RICTOR: variants seen among roughly 807,000 people sequenced by gnomAD.
RICTOR encodes the protein RPTOR independent companion of MTOR complex 2, also known as rapamycin-insensitive companion of mTOR.
In RICTOR, 49 loss-of-function variants were observed where a neutral mutation model predicts 214.9. The ratio of observed to expected loss-of-function variants is 0.23; its 90% CI spans 0.18 to 0.29. The LOEUF (loss-of-function observed/expected upper bound fraction) is 0.29, where lower values mean the gene tolerates loss of function less well. Ranked by LOEUF, RICTOR falls within the 10% of genes least tolerant of loss-of-function variation. The pLI, the probability that RICTOR is intolerant of heterozygous loss-of-function variation, is 1.00. For synonymous variants in RICTOR, 717 were observed against 711.3 expected (o/e 1.01, Z -0.13); for missense variants, 1,625 against 2,047.0 (o/e 0.79, Z 3.98).
chr5:38,998,844 G>A (rs1357376483), intron 5 of RICTOR, among the ~76,000 whole-genome samples: 1 of 151,680 alleles, frequency 6.6e-6, no homozygotes, highest in African/African-American at 2.4e-5. Flanking sequence ...GTGCAACCCT[G>A]TCTCTACTAA....
At chr5:39,031,518 T>C (rs1317884922) in intron 2 of RICTOR, among the ~76,000 whole-genome samples, 1 of 152,170 alleles carries the variant, frequency 6.6e-6, no homozygotes, top group Admixed American at 6.5e-5. Flanking sequence ...AGCTGCACAA[T>C]GAATTAATTC....
chr5:38,951,902 T>C (rs1748817517), intron 30 of RICTOR, among the ~76,000 whole-genome samples: 1 of 152,006 alleles, frequency 6.6e-6, no homozygotes, highest in African/African-American at 2.4e-5. Context: ...ATACTTGTTA[T>C]ATTTGTTTCT....
At chr5:39,027,152 G>A (rs763198547) in intron 2 of RICTOR, among the ~76,000 whole-genome samples, 4 of 152,160 alleles carry the variant, frequency 2.6e-5, no homozygotes, top group Non-Finnish European at 5.9e-5. Context: ...TTTTGGAAGT[G>A]AGGACTGTAT....
At chr5:38,984,276 A>C (rs1296604991) in intron 7 of RICTOR, among the ~76,000 whole-genome samples, 5 of 152,158 alleles carry the variant, frequency 3.3e-5, no homozygotes, top group African/African-American at 1.2e-4. Context: ...CAAATCTTTG[A>C]GTTTTCCAAA....
At chr5:38,960,658 G>A (rs2150019294) in intron 19 of RICTOR, 125 bp from the exon 20 acceptor site, 1 of 913,074 alleles carries the variant, frequency 1.1e-6, no homozygotes, top group Non-Finnish European at 1.7e-6. Flanking sequence ...TGGGATAAAT[G>A]GCAAGAAATG....
chr5:39,011,660 G>C (rs1426397164), intron 3 of RICTOR, among the ~76,000 whole-genome samples: 1 of 152,196 alleles, frequency 6.6e-6, no homozygotes, highest in Non-Finnish European at 1.5e-5. Context: ...GTGTGACCTG[G>C]ATGTGACACA....
chr5:38,949,830 T>C lies in RICTOR; in HGVS notation c.4018A>G (p.Arg1340Gly), dbSNP rs1386618422. The change falls in exon 31 of 38, where the codon AGA becomes GGA. Residue 1340 changes from arginine to glycine, a missense_variant. Arg to Gly is a moderately radical substitution (Grantham distance 125). This residue lies in a region of RICTOR where 1,214 missense variants were observed against 1,470.5 expected (regional missense o/e 0.83). Transcript: ENST00000357387. ...YATLKRLQQQRMHPSLSHSEA... is the reference protein window; with the variant it reads ...YATLKRLQQQGMHPSLSHSEA... The stretch of plus-strand genomic sequence containing the variant: ...GAGTGAGATAAGGATGGATGCATTC[T>C]TTGTTGCTGTAGTCTTTTCAGTGTA... The C allele has an allele frequency of 6.2e-7, 1 of 1,613,538 alleles. No homozygotes were observed. Among genetic ancestry groups the C allele is most frequent in the Non-Finnish European group, 8.5e-7 (1 of 1,179,580 alleles).
At chr5:39,047,796 G>C (rs1757594503) in intron 2 of RICTOR, among the ~76,000 whole-genome samples, 1 of 152,138 alleles carries the variant, frequency 6.6e-6, no homozygotes, top group Non-Finnish European at 1.5e-5. Flanking sequence ...AAGTTGTGGA[G>C]AAGAGACTAT....
intron 19 of RICTOR, among the ~76,000 whole-genome samples, chr5:38,960,795 G>T (rs1167564414): frequency 4.6e-5 from 7 of 152,014 alleles, no homozygotes; most frequent in African/African-American, 1.7e-4. Context: ...AGATTATGGG[G>T]GCGGTTACCC....
rs1748869387 is a variant in RICTOR at position 38,952,374 on chromosome 5, A to G, written c.2949T>C (p.Asp983=). 5 of 1,612,724 alleles carry G rather than the reference A, an allele frequency of 3.1e-6. No individual in the cohort carries two copies. The highest frequency in any genetic ancestry group is 3.3e-5 in the Admixed American group (2 of 59,824). Residue 983 remains aspartate, a synonymous_variant, in exon 30 of 38, where the codon GAT becomes GAC. Coordinates refer to ENST00000357387, the MANE Select transcript of RICTOR (RefSeq NM_152756.5). ...GLIAKTKQGC[D]ILKCHNWDAV... ...CATCCCAGTTGTGACATTTTAGAAT[A>G]TCACAGCCTTGTTTGGTTTTAGCTA... is the stretch of plus-strand genomic sequence containing the variant.
chr5:38,943,568 C>T (rs1417581026), intron 36 of RICTOR, among the ~76,000 whole-genome samples: 1 of 152,144 alleles, frequency 6.6e-6, no homozygotes, highest in Non-Finnish European at 1.5e-5. Flanking sequence ...AATCCCAGCA[C>T]TTTGGGAGGC....
chr5:39,039,944 T>C (rs1028005592), intron 2 of RICTOR, among the ~76,000 whole-genome samples: 1 of 152,072 alleles, frequency 6.6e-6, no homozygotes, highest in East Asian at 1.9e-4. Flanking sequence ...AAATACCATT[T>C]GACCCAGCCA....
At chr5:39,028,976 A>G (rs578229570) in intron 2 of RICTOR, among the ~76,000 whole-genome samples, 4 of 152,340 alleles carry the variant, frequency 2.6e-5, no homozygotes, top group Admixed American at 2.6e-4. Flanking sequence ...AAATGTTAAG[A>G]AAAAGAAGCC....
At chr5:39,038,852 G>T (rs374937692) in intron 2 of RICTOR, among the ~76,000 whole-genome samples, 6,571 of 152,012 alleles carry the variant, frequency 0.043, 262 homozygotes, top group African/African-American at 0.098. Context: ...CCATGCTCAC[G>T]GGTAGGAAGA....
intron 2 of RICTOR, among the ~76,000 whole-genome samples, chr5:39,035,905 CAGG>C (rs1756651964): frequency 1.3e-5 from 2 of 152,130 alleles, no homozygotes; most frequent in Non-Finnish European, 2.9e-5. Context: ...GGATATTATC[CAGG>C]AGAACTTCCC....
chr5:39,055,219 C>T (rs1758122327), intron 2 of RICTOR, among the ~76,000 whole-genome samples: 1 of 152,026 alleles, frequency 6.6e-6, no homozygotes, highest in South Asian at 2.1e-4. Context: ...TACTTGTCTC[C>T]CTGTCTCTCC....
chr5:38,943,637 A>T (rs1460360610), intron 36 of RICTOR, among the ~76,000 whole-genome samples: 1 of 151,982 alleles, frequency 6.6e-6, no homozygotes. Flanking sequence ...ACCTGGCGAA[A>T]CTCTGTTTCT....
intron 2 of RICTOR, among the ~76,000 whole-genome samples, chr5:39,052,711 T>C (rs1757936392): frequency 6.6e-6 from 1 of 152,198 alleles, no homozygotes; most frequent in Non-Finnish European, 1.5e-5. Flanking sequence ...CTTAATACTG[T>C]CAGTCTCCTC....
At position 38,955,646 on chromosome 5, in the gene RICTOR, G is replaced by A. The variant is rs2112890978; in HGVS notation, c.2558C>T (p.Thr853Ile). 1 of 1,611,014 alleles carries A rather than the reference G, an allele frequency of 6.2e-7. No individual in the cohort carries two copies. The highest frequency in any genetic ancestry group is 8.5e-7 in the Non-Finnish European group (1 of 1,177,262). ...ATCACCATCAACAGGCTTCCGGTAAGTAGTAAGTGCTTCATTGAGTTGTTC... is the reference window on the plus strand; with the variant it reads ...ATCACCATCAACAGGCTTCCGGTAAATAGTAAGTGCTTCATTGAGTTGTTC... ...IEEQLNEALT[T>I]YRKPVDGDNY... The change falls in exon 26 of 38, where the codon ACT becomes ATT. Residue 853 changes from threonine (T) to isoleucine (I), a missense_variant. Physicochemically the swap from Thr to Ile is moderately conservative, Grantham distance 89 (BLOSUM62 -1). This residue lies in a region of RICTOR where 1,214 missense variants were observed against 1,470.5 expected (regional missense o/e 0.83). Transcript: ENST00000357387.
Sources: allele counts gnomAD v4.1 joint callset (sites outside exome capture counted in the v4.1 genomes callset), GRCh38; gene constraint gnomAD v4.1.1; regional missense constraint gnomAD v4.1.1; transcripts MANE v1.5; gene names NCBI Gene and HGNC (gene_info 2026-07-23, HGNC 2026-07-21).